Variants in BARD1 observed in about 807,000 individuals in gnomAD.
BARD1 encodes the protein BRCA1-associated RING domain protein 1.
A neutral mutation model predicts 77.0 loss-of-function variants in BARD1; 73 were observed. The observed-to-expected ratio is 0.95, with a 90% CI of 0.79 to 1.15. The LOEUF (loss-of-function observed/expected upper bound fraction) is 1.15. Ranked by LOEUF, BARD1 falls within the 50% of genes most tolerant of loss-of-function variation. The probability of loss-of-function intolerance (pLI) is 0.00; values close to 1 mark genes in which losing one functional copy is unlikely to be tolerated. For synonymous variants in BARD1, 384 were observed against 338.0 expected, an observed-to-expected ratio of 1.14 and a Z score of -1.49; for missense variants, 993 against 938.8, an observed-to-expected ratio of 1.06 and a Z score of -0.75.
chr2:214,745,676 A>G (rs1409944996), intron 8 of BARD1, 46 bp downstream of exon 8: 3 of 1,604,682 alleles, frequency 1.9e-6, no homozygotes, highest in East Asian at 2.2e-5. Flanking sequence ...AGGATCATCT[A>G]TTTAACATTT....
chr2:214,756,988 TATA>T (rs966950613), intron 6 of BARD1, among the ~76,000 whole-genome samples: 5 of 152,018 alleles, frequency 3.3e-5, no homozygotes, highest in Non-Finnish European at 7.4e-5. Flanking sequence ...ATAAAAAAAT[TATA>T]ATAAATAAAT....
At chr2:214,795,309 C>T (rs949387787) in intron 2 of BARD1, among the ~76,000 whole-genome samples, 1 of 151,964 alleles carries the variant, frequency 6.6e-6, no homozygotes, top group Admixed American at 6.6e-5. Context: ...AGTCCTGGGG[C>T]GGGAGTGAAT....
intron 1 of BARD1, among the ~76,000 whole-genome samples, chr2:214,803,187 G>A (rs180906043): frequency 6.5e-5 from 8 of 122,280 alleles, no homozygotes; most frequent in East Asian, 2.0e-4. Context: ...CAAACACTGC[G>A]GAAGGACCCC....
At chr2:214,753,894 T>C (rs1409665064) in intron 6 of BARD1, among the ~76,000 whole-genome samples, 2 of 152,170 alleles carry the variant, frequency 1.3e-5, no homozygotes, top group African/African-American at 2.4e-5. Context: ...GACTCTTCTT[T>C]ATGTCCAAGT....
chr2:214,798,477 G>T (rs751132238), intron 1 of BARD1, among the ~76,000 whole-genome samples: 3 of 151,922 alleles, frequency 2.0e-5, no homozygotes, highest in South Asian at 2.1e-4. Context: ...ATTCTATTTC[G>T]TGGCAAGCTC....
intron 1 of BARD1, among the ~76,000 whole-genome samples, chr2:214,799,199 G>T (rs1392856157): frequency 2.0e-5 from 3 of 152,178 alleles, no homozygotes; most frequent in Admixed American, 2.0e-4. Context: ...AACTGGGGAG[G>T]CTGAGGCACA....
intron 10 of BARD1, among the ~76,000 whole-genome samples, chr2:214,730,057 G>A (rs573859839): frequency 1.7e-4 from 26 of 152,010 alleles, no homozygotes; most frequent in Non-Finnish European, 2.8e-4. Flanking sequence ...AGGATAATGC[G>A]ATATTATCCA....
intron 6 of BARD1, among the ~76,000 whole-genome samples, chr2:214,763,979 T>C (rs1163060653): frequency 6.6e-6 from 1 of 152,168 alleles, no homozygotes; most frequent in Non-Finnish European, 1.5e-5. Context: ...GTCAAGGCTA[T>C]AGGAATTACT....
intron 3 of BARD1, among the ~76,000 whole-genome samples, chr2:214,787,727 C>A (rs968403849): frequency 1.3e-5 from 2 of 151,932 alleles, no homozygotes; most frequent in Non-Finnish European, 2.9e-5. Flanking sequence ...TACTAAGGAG[C>A]TGCTTGGCCA....
intron 9 of BARD1, among the ~76,000 whole-genome samples, chr2:214,741,048 GTTAT>G (rs1260336360): frequency 6.6e-6 from 1 of 152,010 alleles, no homozygotes. Context: ...TGATTATGAG[GTTAT>G]TTATTAAATG....
chr2:214,763,680 A>C (rs548583720), intron 6 of BARD1, among the ~76,000 whole-genome samples: 61 of 152,322 alleles, frequency 4.0e-4, no homozygotes, highest in African/African-American at 1.5e-3. Flanking sequence ...CTGGTTATTG[A>C]GAAAAGAGTT....
At chr2:214,760,805 C>T (rs1164797137) in intron 6 of BARD1, among the ~76,000 whole-genome samples, 2 of 147,662 alleles carry the variant, frequency 1.4e-5, no homozygotes, top group Admixed American at 6.8e-5. Context: ...GATGGAGTCT[C>T]GCTCTGTCGC....
chr2:214,777,123 T>G (rs891643464), intron 4 of BARD1, among the ~76,000 whole-genome samples: 5 of 152,202 alleles, frequency 3.3e-5, no homozygotes, highest in African/African-American at 7.2e-5. Flanking sequence ...ATGAGACCCA[T>G]ACTAGACTTC....
chr2:214,751,040 T>G (rs1693382501), intron 7 of BARD1, among the ~76,000 whole-genome samples: 1 of 147,684 alleles, frequency 6.8e-6, no homozygotes, highest in Admixed American at 6.8e-5. Context: ...GCTAAAATGT[T>G]TACCCTGAAA....
rs1448645093 is a variant in BARD1, at chr2:214,780,990, T to C, written c.884A>G (p.Asn295Ser). Reference protein sequence around the residue: ...QIESPDTKSRNEVVTPEKVCK... With the variant: ...QIESPDTKSRSEVVTPEKVCK... ...GACCTTCTCAGGAGTCACTACTTCA[T>C]TCCTGCTCTTAGTGTCTGGAGACTC... The change falls in exon 4 of 11, where the codon AAT (asparagine) becomes AGT (serine). Residue 295 changes from asparagine (N) to serine (S), a missense_variant. Transcript: ENST00000260947. 1.2e-6 allele frequency: 2 copies of C among 1,613,458 alleles called. No individual in the cohort carries two copies. Among genetic ancestry groups the C allele is most frequent in the Non-Finnish European group, 1.7e-6 (2 of 1,179,630 alleles).
In BARD1 at chr2:214,729,212, A is replaced by T. The variant is rs759922505; in HGVS notation, c.2002-204T>A. On this transcript the variant is annotated intron_variant, in intron 10 of 10. Coordinates refer to ENST00000260947, the MANE Select transcript of BARD1 (RefSeq NM_000465.4). ...TATCTTAAGGATGAGGCTCAAGCCTAAACACAAAATTCGTTTGTTTCTTGT... is the reference window on the plus strand; with the variant it reads ...TATCTTAAGGATGAGGCTCAAGCCTTAACACAAAATTCGTTTGTTTCTTGT... Among the ~76,000 whole-genome samples, 287 of 152,376 alleles carry T rather than the reference A, an allele frequency of 1.9e-3. 1 individual carries two copies. The highest frequency in any genetic ancestry group is 5.4e-3 in the Admixed American group (83 of 15,310).
chr2:214,728,998 A>G lies in BARD1; in HGVS notation c.2012T>C (p.Leu671Pro), dbSNP rs1299991092. 4.3e-6 allele frequency: 7 copies of G among 1,614,034 alleles called. No individual in the cohort carries two copies. The Admixed American group carries it at 1.2e-4, about 27-fold the overall frequency. The change falls in exon 11 of 11, where the codon CTG (leucine) becomes CCG (proline). Residue 671 changes from leucine (L) to proline (P), a missense_variant. Leu to Pro is a moderately conservative substitution (Grantham distance 98, BLOSUM62 -3). Transcript: ENST00000260947. ...RLNREQLLPKLFDGCYFYLWG... is the reference protein window; with the variant it reads ...RLNREQLLPKPFDGCYFYLWG... ...CAAATAGAAGTAGCATCCATCAAAC[A>G]GCTTTGGCAACTGAAATAATGAGAA...
At chr2:214,748,894 G>A (rs1371191375) in intron 7 of BARD1, among the ~76,000 whole-genome samples, 2 of 152,122 alleles carry the variant, frequency 1.3e-5, no homozygotes, top group East Asian at 1.9e-4. Flanking sequence ...CACTCAGTAT[G>A]TGCCAAACAC....
chr2:214,803,743 C>CT (rs907603480), intron 1 of BARD1, among the ~76,000 whole-genome samples: 3 of 152,140 alleles, frequency 2.0e-5, no homozygotes, highest in Non-Finnish European at 4.4e-5. Flanking sequence ...TTCCCTGGGT[C>CT]CCCTTATTTC....
Sources: gnomAD v4.1 joint callset for allele counts (sites outside exome capture counted in the v4.1 genomes callset) on GRCh38, gnomAD v4.1.1 for gene constraint, MANE v1.5 for transcripts, NCBI Gene and HGNC (gene_info 2026-07-23, HGNC 2026-07-21) for gene names.